FUT9: variants seen among roughly 807,000 people sequenced by gnomAD.
The protein encoded by FUT9 is fucosyltransferase 9.
In FUT9, 15 loss-of-function variants were observed where a neutral mutation model predicts 29.7. The ratio of observed to expected loss-of-function variants is 0.51; its 90% CI spans 0.34 to 0.78. The LOEUF (loss-of-function observed/expected upper bound fraction) is 0.78. FUT9 is among the 30% of genes least tolerant of loss of function. The pLI is 0.01. For missense variants in FUT9, 319 were observed against 425.4 expected (o/e 0.75, Z 2.20); for synonymous variants, 169 against 153.7 (o/e 1.10, Z -0.74).
At chr6:96,081,342 A>G (rs17722017) in intron 1 of FUT9, among the ~76,000 whole-genome samples, 18,669 of 151,526 alleles carry the variant, frequency 0.12, 1,359 homozygotes, top group Non-Finnish European at 0.16. Flanking sequence ...TGGATAATAC[A>G]TTTTTTAGTT....
At chr6:96,026,708 T>C (rs756225597) in intron 1 of FUT9, among the ~76,000 whole-genome samples, 1 of 151,700 alleles carries the variant, frequency 6.6e-6, no homozygotes, top group Non-Finnish European at 1.5e-5. Context: ...AGCATAATTG[T>C]CATCTTCTCT....
chr6:96,183,660 T>C (rs142869217), intron 2 of FUT9, among the ~76,000 whole-genome samples: 19 of 152,204 alleles, frequency 1.2e-4, no homozygotes, highest in Non-Finnish European at 2.9e-5. Context: ...AAAGGGATGC[T>C]AGATTTTGTG....
chr6:96,190,131 G>C (rs913779554), intron 2 of FUT9, among the ~76,000 whole-genome samples: 8 of 152,194 alleles, frequency 5.3e-5, no homozygotes, highest in African/African-American at 1.9e-4. Context: ...GCATTTGCTT[G>C]TCTATAAAGG....
intron 2 of FUT9, among the ~76,000 whole-genome samples, chr6:96,197,795 A>G (rs1012978723): frequency 6.6e-6 from 1 of 152,146 alleles, no homozygotes; most frequent in Non-Finnish European, 1.5e-5. Context: ...GCAATCTGGG[A>G]ATAATGCCCC....
At chr6:96,162,576 G>A (rs1308089712) in intron 2 of FUT9, among the ~76,000 whole-genome samples, 1 of 152,136 alleles carries the variant, frequency 6.6e-6, no homozygotes, top group Admixed American at 6.5e-5. Context: ...CAGAAGGAGT[G>A]TATCAGTTGA....
chr6:96,199,799 C>T (rs1773695545), intron 2 of FUT9, among the ~76,000 whole-genome samples: 1 of 152,118 alleles, frequency 6.6e-6, no homozygotes, highest in Non-Finnish European at 1.5e-5. Flanking sequence ...AAGCACAGTA[C>T]TTGTACATAG....
chr6:96,089,005 T>G (rs1451041463), intron 1 of FUT9, among the ~76,000 whole-genome samples: 1 of 152,122 alleles, frequency 6.6e-6, no homozygotes, highest in Non-Finnish European at 1.5e-5. Flanking sequence ...AGAGCAGCCT[T>G]AATTCAAGGA....
chr6:96,062,368 A>AG (rs397738888), intron 1 of FUT9, among the ~76,000 whole-genome samples: 1 of 151,840 alleles, frequency 6.6e-6, no homozygotes, highest in Non-Finnish European at 1.5e-5. Flanking sequence ...ATGATATTCA[A>AG]GTTGATAAAC....
At chr6:96,098,423 T>C (rs1002172837) in intron 1 of FUT9, among the ~76,000 whole-genome samples, 2 of 152,184 alleles carry the variant, frequency 1.3e-5, no homozygotes, top group Non-Finnish European at 2.9e-5. Context: ...TTCATTTAGC[T>C]AAAACTCTAG....
chr6:96,092,161 A>T (rs1582223494), intron 1 of FUT9, among the ~76,000 whole-genome samples: 2 of 152,166 alleles, frequency 1.3e-5, no homozygotes, highest in East Asian at 1.9e-4. Flanking sequence ...TTAGAGAAAA[A>T]CCTTGTAATC....
intron 1 of FUT9, among the ~76,000 whole-genome samples, chr6:96,051,356 G>T (rs1770666331): frequency 6.6e-6 from 1 of 151,842 alleles, no homozygotes; most frequent in Admixed American, 6.6e-5. Context: ...AATTCTTTTT[G>T]AAAACAATAA....
chr6:96,198,557 G>A (rs191626775), intron 2 of FUT9, among the ~76,000 whole-genome samples: 3,834 of 152,018 alleles, frequency 0.025, 163 homozygotes, highest in African/African-American at 0.087. Flanking sequence ...TTGCTATTGC[G>A]AATAATGCCG....
At chr6:96,041,003 G>A (rs1000637576) in intron 1 of FUT9, among the ~76,000 whole-genome samples, 8 of 151,994 alleles carry the variant, frequency 5.3e-5, no homozygotes, top group Admixed American at 2.6e-4. Flanking sequence ...GTGACTGCCC[G>A]CCCCCTTTCC....
intron 1 of FUT9, among the ~76,000 whole-genome samples, chr6:96,099,033 T>C (rs958348936): frequency 1.3e-5 from 2 of 152,266 alleles, no homozygotes; most frequent in South Asian, 4.1e-4. Context: ...AATTAATCTG[T>C]GCATCCTTTA....
chr6:96,096,839 G>A (rs1771503619), intron 1 of FUT9, among the ~76,000 whole-genome samples: 1 of 151,880 alleles, frequency 6.6e-6, no homozygotes, highest in Non-Finnish European at 1.5e-5. Context: ...AAATGATCTA[G>A]CACAATATGG....
At chr6:96,185,909 A>T (rs796243088) in intron 2 of FUT9, among the ~76,000 whole-genome samples, 35 of 152,206 alleles carry the variant, frequency 2.3e-4, no homozygotes, top group African/African-American at 8.4e-4. Flanking sequence ...CAGACTATGG[A>T]GAAAGAAATG....
rs992538684 is a variant in FUT9 at position 96,212,406 on chromosome 6, T to C, written c.*8171T>C. 2 of 412,190 alleles carry C rather than the reference T, an allele frequency of 4.9e-6. No individual in the cohort carries two copies. Among genetic ancestry groups the C allele is most frequent in the African/African-American group, 2.1e-5 (1 of 48,568 alleles). 25.5% of individuals were successfully genotyped at this position (412,190 alleles called of 1,614,324 possible). Reference sequence around the variant, plus strand: ...CAAATGAAGATTATCTGATTGTCTATGTAAACCTGGAAGTAGTCTACTTTT... The same window carrying C: ...CAAATGAAGATTATCTGATTGTCTACGTAAACCTGGAAGTAGTCTACTTTT... On this transcript the variant is annotated 3_prime_UTR_variant, in exon 3 of 3. Coordinates refer to ENST00000302103, the MANE Select transcript of FUT9 (RefSeq NM_006581.4).
chr6:96,046,824 A>G (rs150780530), intron 1 of FUT9, among the ~76,000 whole-genome samples: 229 of 152,312 alleles, frequency 1.5e-3, no homozygotes, highest in African/African-American at 5.3e-3. Context: ...TTTTTATTCA[A>G]TCTGGGAAGT....
At chr6:96,162,626 C>T (rs538754587) in intron 2 of FUT9, among the ~76,000 whole-genome samples, 44 of 152,252 alleles carry the variant, frequency 2.9e-4, no homozygotes, top group African/African-American at 9.6e-4. Context: ...TAATCTAACT[C>T]CTAGCCAGAC....
Sources: gnomAD v4.1 joint callset for allele counts (sites outside exome capture counted in the v4.1 genomes callset) on GRCh38, gnomAD v4.1.1 for gene constraint, MANE v1.5 for transcripts, NCBI Gene and HGNC (gene_info 2026-07-23, HGNC 2026-07-21) for gene names.